The following RSPH14 variants were observed in gnomAD, a reference collection of about 807,000 sequenced individuals.
RSPH14 encodes the protein rhabdoid tumor deletion region gene 1.
In RSPH14, 20 loss-of-function variants were observed where a neutral mutation model predicts 26.7. That is an observed-to-expected ratio of 0.75 (90% confidence interval 0.53 to 1.09). The LOEUF (loss-of-function observed/expected upper bound fraction) is 1.09. Ranked by LOEUF, RSPH14 falls within the 50% of genes least tolerant of loss-of-function variation. The pLI, the probability that RSPH14 is intolerant of heterozygous loss-of-function variation, is 0.00. For synonymous variants in RSPH14, 177 were observed against 189.3 expected (o/e 0.93, Z 0.53); for missense variants, 449 against 457.2 (o/e 0.98, Z 0.16).
intron 4 of RSPH14, chr22:23,123,476 G>C: frequency 2.2e-6 from 3 of 1,336,224 alleles, no homozygotes; most frequent in Non-Finnish European, 3.2e-6. Flanking sequence ...AACCCACGGG[G>C]TGTCATGCCC....
chr22:23,089,983 G>A (rs2068922017), intron 4 of RSPH14, among the ~76,000 whole-genome samples: 1 of 152,148 alleles, frequency 6.6e-6, no homozygotes, highest in Non-Finnish European at 1.5e-5. Context: ...TGTCGAACCT[G>A]GTGCCTGGCC....
intron 4 of RSPH14, chr22:23,122,944 T>C: frequency 1.6e-6 from 1 of 618,952 alleles, no homozygotes; most frequent in Non-Finnish European, 2.9e-6. Context: ...TAACCTGGGC[T>C]TCCCCAGCAG....
intron 4 of RSPH14, among the ~76,000 whole-genome samples, chr22:23,066,554 TA>T (rs1025643928): frequency 6.6e-6 from 1 of 152,052 alleles, no homozygotes; most frequent in Non-Finnish European, 1.5e-5. Flanking sequence ...GGGAGAAGAT[TA>T]AAAATAAAAC....
chr22:23,145,948 G>A (rs999003865), upstream of RSPH14: 13 of 984,364 alleles, frequency 1.3e-5, no homozygotes, highest in African/African-American at 2.3e-4. Context: ...TAGAGCCTTC[G>A]TCCTTTGCAG....
chr22:23,070,091 G>C (rs993953259), intron 4 of RSPH14, among the ~76,000 whole-genome samples: 4 of 152,124 alleles, frequency 2.6e-5, no homozygotes, highest in Non-Finnish European at 5.9e-5. Flanking sequence ...ACGCCGGCGC[G>C]GGGAGCTCTT....
intron 3 of RSPH14, among the ~76,000 whole-genome samples, chr22:23,135,019 A>T (rs546039051): frequency 2.0e-5 from 3 of 152,216 alleles, no homozygotes; most frequent in African/African-American, 7.2e-5. Flanking sequence ...AAAATGTTAA[A>T]AGTTAGCCAG....
chr22:23,177,071 C>T, the RSPH14 span, among the ~76,000 whole-genome samples: 2 of 152,350 alleles, frequency 1.3e-5, no homozygotes, highest in East Asian at 3.9e-4. Flanking sequence ...TAGAATAAAA[C>T]CCAAACTTTG....
At chr22:23,086,904 A>T (rs528417784) in intron 4 of RSPH14, among the ~76,000 whole-genome samples, 2 of 152,364 alleles carry the variant, frequency 1.3e-5, no homozygotes, top group African/African-American at 2.4e-5. Flanking sequence ...CTACAGGTCC[A>T]GGCCAGGCCC....
At chr22:23,157,163 C>T in the RSPH14 span, among the ~76,000 whole-genome samples, 6 of 152,162 alleles carry the variant, frequency 3.9e-5, no homozygotes, top group South Asian at 2.1e-4. Context: ...CACCTGGCTC[C>T]CCGGAAGTTG....
chr22:23,080,284 G>A (rs1293955636), intron 4 of RSPH14, among the ~76,000 whole-genome samples: 2 of 152,204 alleles, frequency 1.3e-5, no homozygotes, highest in African/African-American at 4.8e-5. Context: ...GTGGCTGTGG[G>A]CCAAAAGACA....
chr22:23,161,602 A>T, the RSPH14 span: 1 of 1,513,866 alleles, frequency 6.6e-7, no homozygotes. Flanking sequence ...CCCTGCACAC[A>T]CACGGACAGG....
intron 4 of RSPH14, 187 bp downstream of exon 4, chr22:23,133,839 C>T (rs866562998): frequency 1.3e-4 from 60 of 477,234 alleles, no homozygotes; most frequent in Middle Eastern, 1.1e-3. Flanking sequence ...CTGCCTGCCT[C>T]GGCCTCCCAA....
intron 4 of RSPH14, among the ~76,000 whole-genome samples, chr22:23,079,243 T>C (rs1489174948): frequency 1.3e-5 from 2 of 152,216 alleles, no homozygotes; most frequent in African/African-American, 4.8e-5. Context: ...TGTGTGCGAA[T>C]ATGGGGGTCA....
chr22:23,110,047 T>C (rs771501226), intron 4 of RSPH14, among the ~76,000 whole-genome samples: 5 of 152,256 alleles, frequency 3.3e-5, no homozygotes, highest in Non-Finnish European at 7.4e-5. Flanking sequence ...ACTAACCAGA[T>C]TGGACTGTAA....
intron 4 of RSPH14, among the ~76,000 whole-genome samples, chr22:23,075,922 C>G (rs2068496086): frequency 6.6e-6 from 1 of 152,124 alleles, no homozygotes; most frequent in African/African-American, 2.4e-5. Flanking sequence ...TTTGTGAGGT[C>G]TGCCCCTGTG....
intron 4 of RSPH14, 132 bp from the exon 5 acceptor site, chr22:23,064,265 A>G: frequency 1.3e-6 from 1 of 754,850 alleles, no homozygotes; most frequent in Non-Finnish European, 2.2e-6. Flanking sequence ...TGCAAGTGCC[A>G]CCCCCACACA....
intron 4 of RSPH14, among the ~76,000 whole-genome samples, chr22:23,077,686 T>C (rs2068544369): frequency 1.3e-5 from 2 of 152,112 alleles, no homozygotes; most frequent in African/African-American, 4.8e-5. Flanking sequence ...CCGGTGGTCC[T>C]GTCTGACCTT....
the RSPH14 span, chr22:23,155,934 C>T: frequency 1.9e-6 from 3 of 1,580,858 alleles, no homozygotes; most frequent in Non-Finnish European, 2.6e-6. Context: ...TGTAGCCTGA[C>T]ACCATTTCCC....
At chr22:23,087,966 A>G (rs8139380) in intron 4 of RSPH14, among the ~76,000 whole-genome samples, 52,563 of 152,164 alleles carry the variant, frequency 0.35, 9,929 homozygotes, top group African/African-American at 0.51. Context: ...AAGGCAGTCT[A>G]GTGCCCAGGC....
Sources: gnomAD v4.1 joint callset for allele counts (sites outside exome capture counted in the v4.1 genomes callset) on GRCh38, gnomAD v4.1.1 for gene constraint, MANE v1.5 for transcripts, NCBI Gene and HGNC (gene_info 2026-07-23, HGNC 2026-07-21) for gene names.